Variants in URGCP observed in about 807,000 individuals in gnomAD.
URGCP encodes the protein upregulator of cell proliferation, also known as up-regulator of cell proliferation.
In URGCP, 13 loss-of-function variants were observed where a neutral mutation model predicts 24.6. The observed-to-expected ratio is 0.53, with a 90% CI of 0.34 to 0.84. The LOEUF is 0.84. Among genes scored for constraint, URGCP ranks in the 40% least tolerant of loss-of-function variants. The pLI, the probability that URGCP is intolerant of heterozygous loss-of-function variation, is 0.01. For synonymous variants in URGCP, 444 were observed against 487.2 expected (o/e 0.91, Z 1.17); for missense variants, 899 against 1,194.3 (o/e 0.75, Z 3.64).
intron 1 of URGCP, among the ~76,000 whole-genome samples, chr7:43,901,678 G>T (rs1284388146): frequency 6.6e-6 from 1 of 152,164 alleles, no homozygotes; most frequent in African/African-American, 2.4e-5. Flanking sequence ...CCTTCCCCCA[G>T]TGTGGCCAGA....
At chr7:43,914,507 A>C (rs1363177561) in intron 1 of URGCP, among the ~76,000 whole-genome samples, 3 of 152,146 alleles carry the variant, frequency 2.0e-5, no homozygotes, top group African/African-American at 7.2e-5. Flanking sequence ...TGTCTCAAAA[A>C]AATAAAAAAT....
upstream of URGCP, among the ~76,000 whole-genome samples, chr7:43,907,395 G>C (rs997830703): frequency 5.9e-5 from 9 of 152,156 alleles, no homozygotes; most frequent in African/African-American, 2.2e-4. Context: ...CACTTTGGGA[G>C]GCCGAGGCAG....
intron 1 of URGCP, among the ~76,000 whole-genome samples, chr7:43,916,229 G>C (rs778619096): frequency 6.6e-6 from 1 of 152,308 alleles, no homozygotes; most frequent in Non-Finnish European, 1.5e-5. Context: ...GACTGTGACT[G>C]TTTTTGCACC....
chr7:43,906,466 T>C, intron 1 of URGCP, 96 bp downstream of exon 1: 7 of 1,085,398 alleles, frequency 6.4e-6, no homozygotes, highest in Non-Finnish European at 7.8e-6. Context: ...CCGGGCCGCA[T>C]CCCAGACCAG....
intron 1 of URGCP, among the ~76,000 whole-genome samples, chr7:43,891,797 C>T (rs922545720): frequency 6.6e-6 from 1 of 151,724 alleles, no homozygotes; most frequent in African/African-American, 2.4e-5. Context: ...GTATTTTTTT[C>T]CCCCCGAGAC....
At chr7:43,883,199 A>G (rs2095856523) in intron 3 of URGCP, among the ~76,000 whole-genome samples, 1 of 151,616 alleles carries the variant, frequency 6.6e-6, no homozygotes, top group Non-Finnish European at 1.5e-5. Flanking sequence ...GCAAGCACAC[A>G]ATATAAAGGA....
At chr7:43,925,798 C>CTT (rs60736722) in intron 1 of URGCP, among the ~76,000 whole-genome samples, 8,671 of 116,440 alleles carry the variant, frequency 0.074, 577 homozygotes, top group East Asian at 0.13. Context: ...CCTCGTCTGG[C>CTT]TTTTTTTTTT....
At chr7:43,925,958 T>C (rs552168226) in intron 1 of URGCP, among the ~76,000 whole-genome samples, 4 of 152,184 alleles carry the variant, frequency 2.6e-5, no homozygotes, top group African/African-American at 7.2e-5. Context: ...GGGAGATGCA[T>C]AGTCTAAGGC....
chr7:43,922,214 A>T (rs2095923241), intron 1 of URGCP, among the ~76,000 whole-genome samples: 1 of 152,184 alleles, frequency 6.6e-6, no homozygotes, highest in Non-Finnish European at 1.5e-5. Flanking sequence ...GGTGTGCACC[A>T]TCACACTTGG....
chr7:43,909,113 T>A (rs777977637), upstream of URGCP, among the ~76,000 whole-genome samples: 1 of 152,034 alleles, frequency 6.6e-6, no homozygotes, highest in Non-Finnish European at 1.5e-5. Flanking sequence ...TTTTGAAGAG[T>A]TGAATTTCTA....
intron 2 of URGCP, 123 bp downstream of exon 2, chr7:43,887,667 G>T: frequency 6.7e-7 from 1 of 1,487,936 alleles, no homozygotes; most frequent in Non-Finnish European, 8.9e-7. Context: ...TTTTAAAAGT[G>T]CCCTCAATGA....
intron 1 of URGCP, chr7:43,919,620 G>A (rs2132730807): frequency 7.2e-7 from 1 of 1,397,340 alleles, no homozygotes; most frequent in Non-Finnish European, 1.0e-6. Context: ...GGTATCCACA[G>A]GCCGAGACCG....
upstream of URGCP, among the ~76,000 whole-genome samples, chr7:43,908,984 C>G (rs1212621282): frequency 6.6e-6 from 1 of 152,128 alleles, no homozygotes; most frequent in Non-Finnish European, 1.5e-5. Context: ...TTTAACCAAC[C>G]CCTACTGTTG....
At chr7:43,919,643 C>T (rs1283374624) in intron 1 of URGCP, 3 of 1,375,896 alleles carry the variant, frequency 2.2e-6, no homozygotes, top group Admixed American at 3.4e-5. Context: ...AGACCAACCA[C>T]TCCTACATCA....
In URGCP at chr7:43,883,321, A is replaced by AAT. The variant is rs1181227060; in HGVS notation, c.113-1366_113-1365dup. 5.4e-4 allele frequency among the ~76,000 whole-genome samples: 73 copies of AAT among 134,540 alleles called. 1 individual carries two copies. The highest frequency in any genetic ancestry group is 3.3e-3 in the South Asian group (14 of 4,272). 88.3% of individuals were successfully genotyped at this position (134,540 alleles called of 152,430 possible). The stretch of plus-strand genomic sequence containing the variant: ...CTAGGTTCCAAAATTTATATATATA[A>AAT]ATATATATATATATACATATATATA... On this transcript the variant is annotated intron_variant, in intron 3 of 5. Coordinates refer to ENST00000453200, the MANE Select transcript of URGCP (RefSeq NM_001077663.3).
At chr7:43,913,017 A>AG (rs1232595769) in intron 1 of URGCP, among the ~76,000 whole-genome samples, 1 of 150,584 alleles carries the variant, frequency 6.6e-6, no homozygotes, top group Non-Finnish European at 1.5e-5. Context: ...TGCCCAGCTA[A>AG]TTTTTATATT....
chr7:43,886,266 G>A (rs560426224), intron 3 of URGCP, among the ~76,000 whole-genome samples: 68 of 152,260 alleles, frequency 4.5e-4, no homozygotes, highest in African/African-American at 1.6e-3. Flanking sequence ...GGGATTACAG[G>A]TGTGAGCCAC....
intron 1 of URGCP, among the ~76,000 whole-genome samples, chr7:43,898,481 A>G (rs73323515): frequency 0.022 from 3,338 of 152,372 alleles, 119 homozygotes; most frequent in African/African-American, 0.077. Context: ...GGCTGGGCAC[A>G]GTGGCTCATG....
intron 1 of URGCP, chr7:43,919,604 C>G: frequency 4.2e-6 from 6 of 1,413,662 alleles, no homozygotes; most frequent in Non-Finnish European, 5.0e-6. Context: ...AGCCCAAGAA[C>G]GTGATGGTAT....
Sources: gnomAD v4.1 joint callset for allele counts (sites outside exome capture counted in the v4.1 genomes callset) on GRCh38, gnomAD v4.1.1 for gene constraint, MANE v1.5 for transcripts, NCBI Gene and HGNC (gene_info 2026-07-23, HGNC 2026-07-21) for gene names.